Variants in GPC6 observed in about 807,000 individuals in gnomAD.
GPC6 encodes glypican 6, also known as glypican-6.
Under a neutral mutation model 55.2 loss-of-function variants are expected in GPC6, and 14 were observed. The observed-to-expected ratio is 0.25, with a 90% CI of 0.17 to 0.40. The LOEUF is 0.40. GPC6 is among the 10% of genes least tolerant of loss of function. The probability of loss-of-function intolerance (pLI) is 1.00; values close to 1 mark genes in which losing one functional copy is unlikely to be tolerated. For synonymous variants in GPC6, 278 were observed against 259.6 expected (o/e 1.07, Z -0.68); for missense variants, 641 against 708.5 (o/e 0.90, Z 1.08).
chr13:93,873,704 G>T (rs539734632), intron 3 of GPC6, among the ~76,000 whole-genome samples: 22 of 151,996 alleles, frequency 1.4e-4, no homozygotes, highest in African/African-American at 2.4e-5. Context: ...CTAGCATAAT[G>T]AATACAACGT....
chr13:93,225,557 A>T (rs1210008840), upstream of GPC6, among the ~76,000 whole-genome samples: 1 of 152,070 alleles, frequency 6.6e-6, no homozygotes, highest in Non-Finnish European at 1.5e-5. Flanking sequence ...AGTTTGAAGA[A>T]GACAAAGTGG....
intron 3 of GPC6, among the ~76,000 whole-genome samples, chr13:93,905,696 C>G (rs933144715): frequency 6.6e-6 from 1 of 152,180 alleles, no homozygotes; most frequent in Non-Finnish European, 1.5e-5. Flanking sequence ...ATTGCTTTCT[C>G]TCTTTGGGAT....
At chr13:93,989,145 C>G (rs1881173411) in intron 3 of GPC6, among the ~76,000 whole-genome samples, 1 of 152,166 alleles carries the variant, frequency 6.6e-6, no homozygotes. Context: ...CTTCTGTTAC[C>G]TGGGTGATAA....
chr13:93,361,027 G>T (rs1481878037), intron 1 of GPC6, among the ~76,000 whole-genome samples: 4 of 151,952 alleles, frequency 2.6e-5, no homozygotes, highest in African/African-American at 7.3e-5. Context: ...TCTGCAAAAC[G>T]CACCCCTCTC....
chr13:93,824,799 G>C (rs1387199616), intron 2 of GPC6, among the ~76,000 whole-genome samples: 1 of 152,036 alleles, frequency 6.6e-6, no homozygotes, highest in African/African-American at 2.4e-5. Context: ...CACTATCAAA[G>C]AGAAGTCCAG....
intron 2 of GPC6, among the ~76,000 whole-genome samples, chr13:93,802,327 C>CA (rs1886401071): frequency 6.6e-6 from 1 of 151,914 alleles, no homozygotes; most frequent in Non-Finnish European, 1.5e-5. Flanking sequence ...GTTATTTTTG[C>CA]TATCACTCAG....
chr13:94,359,180 C>G (rs928940049), intron 6 of GPC6, among the ~76,000 whole-genome samples: 5 of 152,156 alleles, frequency 3.3e-5, no homozygotes, highest in Admixed American at 2.0e-4. Context: ...TGAAAATGCA[C>G]TAGGCCTTTT....
intron 3 of GPC6, among the ~76,000 whole-genome samples, chr13:94,012,443 C>T (rs1443727423): frequency 6.6e-6 from 1 of 152,096 alleles, no homozygotes; most frequent in Non-Finnish European, 1.5e-5. Context: ...ACTAGGTGGT[C>T]CATAAACTAG....
intron 3 of GPC6, among the ~76,000 whole-genome samples, chr13:93,904,851 G>A (rs1472056588): frequency 6.6e-6 from 1 of 151,990 alleles, no homozygotes; most frequent in East Asian, 1.9e-4. Context: ...ATGTATACAT[G>A]TGCCATGCTG....
chr13:93,313,415 G>A (rs1465465093), intron 1 of GPC6, among the ~76,000 whole-genome samples: 1 of 152,120 alleles, frequency 6.6e-6, no homozygotes, highest in Non-Finnish European at 1.5e-5. Flanking sequence ...TCAACTGTTA[G>A]TTGGAATATT....
At chr13:94,288,924 A>G (rs1340273206) in intron 5 of GPC6, among the ~76,000 whole-genome samples, 1 of 120,164 alleles carries the variant, frequency 8.3e-6, no homozygotes, top group Non-Finnish European at 1.6e-5. Flanking sequence ...TTATATATAT[A>G]ACAAATATAG....
At chr13:93,564,279 C>T (rs1447800156) in intron 2 of GPC6, among the ~76,000 whole-genome samples, 1 of 151,898 alleles carries the variant, frequency 6.6e-6, no homozygotes, top group Non-Finnish European at 1.5e-5. Context: ...TTTCTGTGTA[C>T]TCAAACCTTG....
chr13:94,326,529 C>A (rs1331939100), intron 6 of GPC6, among the ~76,000 whole-genome samples: 1 of 152,206 alleles, frequency 6.6e-6, no homozygotes, highest in Non-Finnish European at 1.5e-5. Flanking sequence ...TCTTTTCTGA[C>A]AGACTTTATT....
chr13:93,279,568 T>C (rs1171762616), intron 1 of GPC6, among the ~76,000 whole-genome samples: 1 of 152,232 alleles, frequency 6.6e-6, no homozygotes, highest in African/African-American at 2.4e-5. Context: ...ATACTCATAT[T>C]CTAGTGTGCA....
intron 1 of GPC6, among the ~76,000 whole-genome samples, chr13:93,296,430 A>G (rs1878497832): frequency 6.6e-6 from 1 of 152,018 alleles, no homozygotes; most frequent in Non-Finnish European, 1.5e-5. Flanking sequence ...GGTGCCTGGG[A>G]TTGTTTGTCA....
intron 2 of GPC6, among the ~76,000 whole-genome samples, chr13:93,592,120 A>G (rs1877517460): frequency 1.3e-5 from 2 of 151,984 alleles, no homozygotes; most frequent in Non-Finnish European, 2.9e-5. Context: ...TGTTTAATAT[A>G]TTTGAGTCTT....
chr13:93,410,063 T>G (rs1876438927), intron 1 of GPC6, among the ~76,000 whole-genome samples: 1 of 152,196 alleles, frequency 6.6e-6, no homozygotes, highest in East Asian at 1.9e-4. Flanking sequence ...ATATTCAAGC[T>G]GGGGCTGAAA....
At chr13:94,212,047 C>T (rs763676024) in intron 4 of GPC6, among the ~76,000 whole-genome samples, 1 of 152,080 alleles carries the variant, frequency 6.6e-6, no homozygotes, top group Non-Finnish European at 1.5e-5. Flanking sequence ...TTATTAGCAC[C>T]CTTTTTTATA....
chr13:93,467,198 A>T (rs33961779), intron 1 of GPC6, among the ~76,000 whole-genome samples: 32,089 of 152,160 alleles, frequency 0.21, 3,547 homozygotes, highest in Middle Eastern at 0.28. Flanking sequence ...CTCTGATCTG[A>T]TAACCTTATA....
Sources: gnomAD v4.1 joint callset for allele counts (sites outside exome capture counted in the v4.1 genomes callset) on GRCh38, gnomAD v4.1.1 for gene constraint, MANE v1.5 for transcripts, NCBI Gene and HGNC (gene_info 2026-07-23, HGNC 2026-07-21) for gene names.